CSPP1: variants seen among roughly 807,000 people sequenced by gnomAD.
The protein encoded by CSPP1 is centrosome and spindle pole associated protein 1, also known as centrosome and spindle pole-associated protein 1.
CSPP1 carries 126 observed loss-of-function variants against 164.4 expected under a neutral mutation model. That is an observed-to-expected ratio of 0.77 (90% CI 0.66 to 0.89). The LOEUF (loss-of-function observed/expected upper bound fraction) is 0.89. Ranked by LOEUF, CSPP1 falls within the 40% of genes least tolerant of loss-of-function variation. CSPP1 has a pLI of 0.00. For synonymous variants in CSPP1, 472 were observed against 476.7 expected, an observed-to-expected ratio of 0.99 and a Z score of 0.13; for missense variants, 1,395 against 1,449.8, an observed-to-expected ratio of 0.96 and a Z score of 0.61.
chr8:67,167,928 T>C (rs1372866332), intron 24 of CSPP1, among the ~76,000 whole-genome samples: 4 of 152,142 alleles, frequency 2.6e-5, no homozygotes, highest in African/African-American at 7.2e-5. Flanking sequence ...CTTGGCACTT[T>C]GGGAGGCCAA....
chr8:67,153,228 T>G (rs1826036934), intron 18 of CSPP1, among the ~76,000 whole-genome samples: 1 of 151,966 alleles, frequency 6.6e-6, no homozygotes, highest in African/African-American at 2.4e-5. Flanking sequence ...AATACATGCT[T>G]TAGTTTAATG....
chr8:67,129,462 A>G (rs1820767494), intron 15 of CSPP1, among the ~76,000 whole-genome samples: 1 of 152,216 alleles, frequency 6.6e-6, no homozygotes. Flanking sequence ...GTTGCAGGAA[A>G]TGGCAGTTCC....
At chr8:67,161,408 C>A (rs549727159) in intron 21 of CSPP1, among the ~76,000 whole-genome samples, 2 of 152,144 alleles carry the variant, frequency 1.3e-5, no homozygotes, top group African/African-American at 4.8e-5. Flanking sequence ...GTGATTAGAT[C>A]TAGATTTTCG....
intron 16 of CSPP1, chr8:67,135,163 T>C (rs2129554731): frequency 6.6e-6 from 1 of 152,290 alleles, no homozygotes; most frequent in Non-Finnish European, 1.5e-5. Context: ...TGTTGTACTT[T>C]TTTATTTTTA....
chr8:67,150,298 G>A (rs1825463786), intron 18 of CSPP1, among the ~76,000 whole-genome samples: 2 of 152,062 alleles, frequency 1.3e-5, no homozygotes, highest in South Asian at 4.1e-4. Context: ...TAGTGAAACA[G>A]TATCATTGTG....
intron 28 of CSPP1, among the ~76,000 whole-genome samples, chr8:67,189,996 C>A (rs1411465324): frequency 6.6e-6 from 1 of 152,118 alleles, no homozygotes; most frequent in East Asian, 1.9e-4. Context: ...AACCCTCTTA[C>A]AATGTAAAAT....
In CSPP1 at chr8:67,112,776, C is replaced by G. The variant is rs147255347; in HGVS notation, c.1187+711C>G. Among the ~76,000 whole-genome samples the G allele has an allele frequency of 2.7e-4, 41 of 152,280 alleles. 1 individual carries two copies. In the East Asian group the frequency reaches 7.5e-3, roughly 28 times the overall value. ...ATTAACTGTCAAAAAATACACTAAT[C>G]AAACTGGCACCCTGCTCAAAAATCT... On this transcript the variant is annotated intron_variant, in intron 10 of 30. Coordinates refer to ENST00000678616, the MANE Select transcript of CSPP1 (RefSeq NM_001382391.1).
chr8:67,150,332 T>A (rs1338631546), intron 18 of CSPP1, among the ~76,000 whole-genome samples: 2 of 152,158 alleles, frequency 1.3e-5, no homozygotes, highest in African/African-American at 4.8e-5. Context: ...TACAGGGAAA[T>A]TCATTTTTTA....
intron 15 of CSPP1, among the ~76,000 whole-genome samples, chr8:67,121,404 A>G (rs1818945852): frequency 6.6e-6 from 1 of 152,126 alleles, no homozygotes; most frequent in Non-Finnish European, 1.5e-5. Context: ...ATTTTGTCAA[A>G]TGCTTTTTCT....
intron 4 of CSPP1, among the ~76,000 whole-genome samples, chr8:67,087,215 A>C (rs1201664103): frequency 6.6e-6 from 1 of 152,104 alleles, no homozygotes; most frequent in Admixed American, 6.5e-5. Context: ...AATATCCAAG[A>C]TATTTGAACT....
Position 67,124,049 on chromosome 8 carries a change from G to A in CSPP1, c.1697+5228G>A, listed in dbSNP as rs546132956. On this transcript the variant is annotated intron_variant, in intron 15 of 30. Coordinates refer to ENST00000678616, the MANE Select transcript of CSPP1 (RefSeq NM_001382391.1). ...CGAGTAGCTGGGACTACAGGCGCCCGCCACCACGCCTGGCTAATTTTTTGT... is the reference window on the plus strand; with the variant it reads ...CGAGTAGCTGGGACTACAGGCGCCCACCACCACGCCTGGCTAATTTTTTGT... Among the ~76,000 whole-genome samples the A allele has an allele frequency of 4.2e-4, 64 of 151,310 alleles. 1 individual carries two copies. The highest frequency in any genetic ancestry group is 2.9e-3 in the South Asian group (14 of 4,772).
intron 15 of CSPP1, among the ~76,000 whole-genome samples, chr8:67,130,065 G>T (rs982296768): frequency 6.6e-6 from 1 of 152,150 alleles, no homozygotes. Context: ...ATATTTGTGG[G>T]ATGTGAAACC....
chr8:67,115,789 G>A (rs1055960960), intron 12 of CSPP1, 125 bp from the exon 13 acceptor site: 25 of 616,064 alleles, frequency 4.1e-5, no homozygotes, highest in Non-Finnish European at 6.0e-5. Flanking sequence ...GTCTTTTATA[G>A]CTGTAAAATT....
chr8:67,113,902 C>G (rs779226211), intron 11 of CSPP1, 40 bp downstream of exon 11: 2 of 1,247,384 alleles, frequency 1.6e-6, no homozygotes, highest in South Asian at 2.6e-5. Context: ...AATCTTTCAT[C>G]AAATGATCCT....
intron 13 of CSPP1, among the ~76,000 whole-genome samples, chr8:67,117,990 G>A (rs1818260957): frequency 6.6e-6 from 1 of 152,158 alleles, no homozygotes; most frequent in South Asian, 2.1e-4. Flanking sequence ...CTGGCACATA[G>A]TGCCTATTGG....
At chr8:67,179,268 A>G (rs1396421019) in intron 27 of CSPP1, among the ~76,000 whole-genome samples, 1 of 152,050 alleles carries the variant, frequency 6.6e-6, no homozygotes, top group Admixed American at 6.5e-5. Flanking sequence ...TTACTATACT[A>G]TATGCTCCAC....
intron 10 of CSPP1, 119 bp from the exon 11 acceptor site, chr8:67,113,686 A>C: frequency 1.9e-6 from 1 of 540,040 alleles, no homozygotes; most frequent in East Asian, 3.2e-5. Flanking sequence ...AGTTAAAGGA[A>C]TTATTTGTTT....
At chr8:67,128,709 A>G (rs954078237) in intron 15 of CSPP1, among the ~76,000 whole-genome samples, 1 of 152,220 alleles carries the variant, frequency 6.6e-6, no homozygotes, top group African/African-American at 2.4e-5. Context: ...TACACTCATT[A>G]GCACAGACAC....
chr8:67,067,637 G>A (rs894559018), intron 1 of CSPP1, among the ~76,000 whole-genome samples: 5 of 149,974 alleles, frequency 3.3e-5, no homozygotes, highest in Admixed American at 3.3e-4. Context: ...CTAATTTTTT[G>A]TACTTTTAGT....
Sources: allele counts gnomAD v4.1 joint callset (sites outside exome capture counted in the v4.1 genomes callset), GRCh38; gene constraint gnomAD v4.1.1; transcripts MANE v1.5; gene names NCBI Gene and HGNC (gene_info 2026-07-23, HGNC 2026-07-21).